Variants in NCKAP1 observed in about 807,000 individuals in gnomAD.
NCKAP1 encodes NCK associated protein 1.
Under a neutral mutation model 151.2 loss-of-function variants are expected in NCKAP1, and 21 were observed. The ratio of observed to expected loss-of-function variants is 0.14; its 90% CI spans 0.10 to 0.20. NCKAP1 has a LOEUF of 0.20. Among genes scored for constraint, NCKAP1 ranks in the 10% least tolerant of loss-of-function variants. The probability of loss-of-function intolerance (pLI) is 1.00; values close to 1 mark genes in which losing one functional copy is unlikely to be tolerated. For synonymous variants in NCKAP1, 484 were observed against 451.8 expected (o/e 1.07, Z -0.90); for missense variants, 933 against 1,352.1 (o/e 0.69, Z 4.86).
At position 182,925,646 on chromosome 2, in the gene NCKAP1, T is replaced by C; in HGVS notation, c.*56A>G. 1 of 979,990 alleles carries C rather than the reference T, an allele frequency of 1.0e-6. No homozygotes were observed. The highest frequency in any genetic ancestry group is 1.5e-6 in the Non-Finnish European group (1 of 664,130). The allele number at this position is 979,990 out of a possible 1,614,324, so 60.7% of individuals were successfully genotyped here. ...CTTAAGGTAAAATAGTTCCACAGTC[T>C]ACAGGTAAAACCAAGGCAACAAAAA... On this transcript the variant is annotated 3_prime_UTR_variant, in exon 31 of 31. Coordinates refer to ENST00000361354, the MANE Select transcript of NCKAP1 (RefSeq NM_013436.5).
At chr2:182,935,423 G>T in intron 24 of NCKAP1, 48 bp from the exon 25 acceptor site, 1 of 1,154,592 alleles carries the variant, frequency 8.7e-7, no homozygotes. Context: ...AGTGTGAACT[G>T]GATTCTTTCT....
chr2:183,030,968 TTAGG>T (rs758708409), intron 1 of NCKAP1, among the ~76,000 whole-genome samples: 1 of 152,170 alleles, frequency 6.6e-6, no homozygotes, highest in Non-Finnish European at 1.5e-5. Context: ...ACTTTCCCTC[TTAGG>T]TAGGTAAAAA....
At chr2:182,943,305 C>T (rs556258080) in intron 23 of NCKAP1, among the ~76,000 whole-genome samples, 1 of 152,138 alleles carries the variant, frequency 6.6e-6, no homozygotes, top group Non-Finnish European at 1.5e-5. Context: ...AAAAACTACA[C>T]AGAAAATCCA....
intron 2 of NCKAP1, among the ~76,000 whole-genome samples, chr2:183,022,144 T>C (rs544377884): frequency 6.6e-6 from 1 of 152,296 alleles, no homozygotes; most frequent in South Asian, 2.1e-4. Flanking sequence ...ATACTTCTAA[T>C]TCTAAGGAAA....
chr2:183,037,923 G>A (rs2944358), intron 1 of NCKAP1, 69 bp downstream of exon 1: 42,602 of 1,212,764 alleles, frequency 0.035, 1,065 homozygotes, highest in African/African-American at 0.11. Context: ...CCCACCCCAC[G>A]GCCTCCCTTG....
At chr2:183,021,673 T>TAAATGACAGAAACCAGTC (rs1698800288) in intron 2 of NCKAP1, among the ~76,000 whole-genome samples, 2 of 152,120 alleles carry the variant, frequency 1.3e-5, no homozygotes, top group Non-Finnish European at 2.9e-5. Context: ...AATATTACGT[T>TAAATGACAGAAACCAGTC]AAATGACAGA....
intron 7 of NCKAP1, among the ~76,000 whole-genome samples, chr2:182,995,169 T>C (rs559507641): frequency 5.9e-5 from 9 of 152,352 alleles, no homozygotes; most frequent in African/African-American, 1.2e-4. Context: ...TGACAACTTA[T>C]CAATTTCTCA....
intron 23 of NCKAP1, among the ~76,000 whole-genome samples, chr2:182,946,416 C>G (rs1697106891): frequency 6.6e-6 from 1 of 151,330 alleles, no homozygotes; most frequent in Non-Finnish European, 1.5e-5. Flanking sequence ...AAAAAAGGAG[C>G]GACACACACC....
chr2:182,944,594 TTA>T (rs989252193), intron 23 of NCKAP1, among the ~76,000 whole-genome samples: 2 of 152,302 alleles, frequency 1.3e-5, no homozygotes, highest in African/African-American at 4.8e-5. Flanking sequence ...ATAGTGTTGA[TTA>T]TGTCTGACAC....
chr2:182,930,164 CT>C (rs1696732954), intron 27 of NCKAP1, among the ~76,000 whole-genome samples: 1 of 151,818 alleles, frequency 6.6e-6, no homozygotes, highest in African/African-American at 2.4e-5. Context: ...TTTGAGTTGT[CT>C]TCTAGTTATC....
At chr2:182,995,081 T>A (rs1698242835) in intron 7 of NCKAP1, among the ~76,000 whole-genome samples, 194 bp from the exon 8 acceptor site, 1 of 152,138 alleles carries the variant, frequency 6.6e-6, no homozygotes, top group African/African-American at 2.4e-5. Flanking sequence ...CAACGAGAGG[T>A]GTGCCCCTTT....
At chr2:182,930,471 A>G (rs559250603) in intron 27 of NCKAP1, among the ~76,000 whole-genome samples, 1 of 152,080 alleles carries the variant, frequency 6.6e-6, no homozygotes, top group South Asian at 2.1e-4. Flanking sequence ...TGCTGCATCT[A>G]TATACACTAA....
rs1023197480 is a variant in NCKAP1 at position 182,989,097 on chromosome 2, A to G, written c.880T>C (p.Ser294Pro). The G allele has an allele frequency of 4.3e-6, 7 of 1,613,768 alleles. No individual in the cohort carries two copies. The highest frequency in any genetic ancestry group is 2.2e-5 in the East Asian group (1 of 44,862). ...TGGAAAACTTCATCCCGAAAGAGAG[A>G]GAGGCAAGAGCTACTTTGAAGAGCT... Reference protein sequence around the residue: ...KLALQSSSCLSLFRDEVFHIH... With the variant: ...KLALQSSSCLPLFRDEVFHIH... The change falls in exon 9 of 31, where the codon TCT becomes CCT. Residue 294 changes from serine (S) to proline (P), a missense_variant. Physicochemically the swap from Ser to Pro is moderately conservative, Grantham distance 74 (BLOSUM62 -1). Around this residue, in one of 2 missense-constraint regions of NCKAP1, gnomAD observed 607 missense variants for 795.0 expected, o/e 0.76. Transcript: ENST00000361354.
chr2:182,934,536 T>G, intron 26 of NCKAP1: 1 of 326,208 alleles, frequency 3.1e-6, no homozygotes, highest in Non-Finnish European at 5.6e-6. Context: ...AATTTTGCAT[T>G]GCTATAGGTG....
chr2:183,023,569 G>C (rs1366741246), intron 2 of NCKAP1, among the ~76,000 whole-genome samples: 3 of 151,940 alleles, frequency 2.0e-5, no homozygotes, highest in African/African-American at 7.3e-5. Flanking sequence ...ATTTGAAAGG[G>C]AATAAATATA....
In NCKAP1 at chr2:183,002,059, T is replaced by C. The variant is rs200298773; in HGVS notation, c.513-16A>G. 105 of 1,612,842 alleles carry C rather than the reference T, an allele frequency of 6.5e-5. No homozygotes were observed. The East Asian group carries it at 1.4e-3, about 21-fold the overall frequency. On this transcript the variant is annotated splice_polypyrimidine_tract_variant and intron_variant, in intron 5 of 30. Transcript: ENST00000361354. ...TTCTCTGTCACTTAAAACAGACATA[T>C]CAAATTTCAATGAGTTGTAATCCAT...
At position 182,926,426 on chromosome 2, in the gene NCKAP1, A is replaced by C. The variant is rs1264004337; in HGVS notation, c.3270+390T>G. ...AAGAGCTGGTTCACAGATACTGCAG[A>C]GAGGGAAGTGACTAGGCACAGAGAA... On this transcript the variant is annotated intron_variant, in intron 30 of 30. Transcript: ENST00000361354. Among the ~76,000 whole-genome samples, 3 of 152,070 alleles carry C rather than the reference A, an allele frequency of 2.0e-5. No individual in the cohort carries two copies. The South Asian group carries it at 6.2e-4, about 31-fold the overall frequency.
At chr2:182,991,731 C>T (rs565429730) in intron 8 of NCKAP1, among the ~76,000 whole-genome samples, 2 of 151,042 alleles carry the variant, frequency 1.3e-5, no homozygotes, top group East Asian at 3.9e-4. Context: ...TGAAGAAAAT[C>T]TTTGAAGGCA....
intron 27 of NCKAP1, among the ~76,000 whole-genome samples, chr2:182,929,460 CAGA>C (rs144053320): frequency 0.014 from 2,093 of 151,886 alleles, 14 homozygotes; most frequent in Non-Finnish European, 0.022. Flanking sequence ...TAAAAGAAGA[CAGA>C]AGAAGACAGA....
Sources: allele counts gnomAD v4.1 joint callset (sites outside exome capture counted in the v4.1 genomes callset), GRCh38; gene constraint gnomAD v4.1.1; regional missense constraint gnomAD v4.1.1; transcripts MANE v1.5; gene names NCBI Gene and HGNC (gene_info 2026-07-23, HGNC 2026-07-21).